The following DNAH3 variants were observed in gnomAD, a reference collection of about 807,000 sequenced individuals.
DNAH3 encodes axonemal beta dynein heavy chain 3.
DNAH3 carries 332 observed loss-of-function variants against 432.5 expected under a neutral mutation model. The ratio of observed to expected loss-of-function variants is 0.77; its 90% CI spans 0.70 to 0.84. The LOEUF (loss-of-function observed/expected upper bound fraction) is 0.84. DNAH3 is among the 40% of genes least tolerant of loss of function. The pLI is 0.00. For missense variants in DNAH3, 4,861 were observed against 5,114.0 expected (o/e 0.95, Z 1.51); for synonymous variants, 1,956 against 1,900.2 (o/e 1.03, Z -0.76).
chr16:20,945,111 C>T (rs1406732251), intron 57 of DNAH3, among the ~76,000 whole-genome samples: 3 of 152,204 alleles, frequency 2.0e-5, no homozygotes, highest in Non-Finnish European at 4.4e-5. Context: ...GCACAAGATA[C>T]AGGTCACAAA....
At chr16:21,092,589 A>C (rs1397783230) in intron 18 of DNAH3, among the ~76,000 whole-genome samples, 2 of 151,572 alleles carry the variant, frequency 1.3e-5, no homozygotes, top group African/African-American at 4.8e-5. Context: ...TACAACACAG[A>C]AGGCACAACA....
chr16:20,947,775 T>TG (rs1479273551), intron 57 of DNAH3, among the ~76,000 whole-genome samples: 2 of 152,092 alleles, frequency 1.3e-5, no homozygotes, highest in African/African-American at 2.4e-5. Context: ...AAGTGGTTTT[T>TG]TTTGTTTGTT....
intron 27 of DNAH3, 23 bp from the exon 28 acceptor site, chr16:21,054,557 C>T (rs1414245952): frequency 6.4e-7 from 1 of 1,552,130 alleles, no homozygotes; most frequent in Admixed American, 1.7e-5. Flanking sequence ...GAGGAGGGGA[C>T]AACTGGTTAC....
chr16:20,966,004 T>G (rs11863262), intron 52 of DNAH3, among the ~76,000 whole-genome samples: 26 of 140,602 alleles, frequency 1.8e-4, no homozygotes, highest in African/African-American at 6.7e-4. Context: ...TGAGCCACCA[T>G]GCCCAGCCAA....
intron 30 of DNAH3, 113 bp downstream of exon 30, chr16:21,049,797 G>C: frequency 7.5e-7 from 1 of 1,327,878 alleles, no homozygotes; most frequent in Non-Finnish European, 1.1e-6. Flanking sequence ...GAAGGAGCTG[G>C]GGCCCATGCT....
At chr16:21,074,403 G>A (rs531916534) in intron 21 of DNAH3, among the ~76,000 whole-genome samples, 2 of 152,278 alleles carry the variant, frequency 1.3e-5, no homozygotes, top group East Asian at 3.9e-4. Context: ...ATGCAGGTTT[G>A]GAAGCACTGC....
intron 54 of DNAH3, among the ~76,000 whole-genome samples, chr16:20,957,847 A>AAAAAAAAAAC: frequency 7.2e-6 from 1 of 138,828 alleles, no homozygotes; most frequent in African/African-American, 2.7e-5. Flanking sequence ...AAAAAAAAAA[A>AAAAAAAAAAC]AAGAGAATCC....
At position 20,985,469 on chromosome 16, in the gene DNAH3, G is replaced by A; in HGVS notation, c.7273C>T (p.Gln2425Ter). 1 of 1,614,204 alleles carries A rather than the reference G, an allele frequency of 6.2e-7. No homozygotes were observed. The highest frequency in any genetic ancestry group is 8.5e-7 in the Non-Finnish European group (1 of 1,180,046). The change falls in exon 48 of 62, where the codon CAG becomes TAG. Residue 2425 changes from glutamine (Q) to a stop codon, truncating the protein, a stop_gained. Coordinates refer to ENST00000261383, the Ensembl canonical transcript of DNAH3. LOFTEE classifies it high-confidence loss of function. Reference sequence around the variant, plus strand: ...ACCAGGAGCAGGTGGCCTTTGTCCTGCTTCAGGACACGGCAGATCCTAGAG... The same window carrying A: ...ACCAGGAGCAGGTGGCCTTTGTCCTACTTCAGGACACGGCAGATCCTAGAG...
At chr16:21,116,680 G>C (rs1457043082) in intron 12 of DNAH3, among the ~76,000 whole-genome samples, 1 of 152,182 alleles carries the variant, frequency 6.6e-6, no homozygotes, top group Non-Finnish European at 1.5e-5. Flanking sequence ...AAAGGACATG[G>C]CCTGTGGGTT....
chr16:20,934,929 T>C (rs1476209024), intron 61 of DNAH3, among the ~76,000 whole-genome samples: 4 of 152,188 alleles, frequency 2.6e-5, no homozygotes, highest in African/African-American at 9.7e-5. Context: ...TACAATGCTC[T>C]GTAACAGTCA....
chr16:21,159,342 C>A lies in DNAH3; in HGVS notation c.100G>T (p.Glu34Ter). ...CTCTCCACCTGCATTTCACTCCCTT[C>A]CTCCTCTCCTTGGGTCTCCCTGGCT... The change falls in exon 1 of 62, where the codon GAA becomes TAA. Residue 34 changes from glutamate to a stop codon, truncating the protein, a stop_gained. Coordinates refer to ENST00000261383, the Ensembl canonical transcript of DNAH3. LOFTEE classifies it high-confidence loss of function. The A allele has an allele frequency of 6.2e-7, 1 of 1,614,116 alleles. No homozygotes were observed. Among genetic ancestry groups the A allele is most frequent in the Non-Finnish European group, 8.5e-7 (1 of 1,180,000 alleles).
rs73536181 is a variant in DNAH3, at chr16:20,995,814, G to C, written c.6601+1469C>G. On this transcript the variant is annotated intron_variant, in intron 44 of 61. Coordinates refer to ENST00000261383, the Ensembl canonical transcript of DNAH3. Reference sequence around the variant, plus strand: ...CCCTTCAGAGCTCACCATGGGCTGGGTCACTGCAGTCACTAGTTTCAGCAG... The same window carrying C: ...CCCTTCAGAGCTCACCATGGGCTGGCTCACTGCAGTCACTAGTTTCAGCAG... Among the ~76,000 whole-genome samples the C allele has an allele frequency of 8.1e-3, 1,234 of 152,318 alleles. 22 individuals carry two copies. Among genetic ancestry groups the C allele is most frequent in the African/African-American group, 0.028 (1,155 of 41,568 alleles).
intron 28 of DNAH3, among the ~76,000 whole-genome samples, chr16:21,054,179 C>T (rs1214342702): frequency 1.3e-5 from 2 of 152,264 alleles, no homozygotes; most frequent in African/African-American, 4.8e-5. Flanking sequence ...TGACTTTGGC[C>T]ATCATTGTCT....
intron 41 of DNAH3, among the ~76,000 whole-genome samples, chr16:21,010,211 G>A (rs552373555): frequency 6.6e-6 from 1 of 152,236 alleles, no homozygotes; most frequent in South Asian, 2.1e-4. Flanking sequence ...AATGGCTCCT[G>A]TTCTCTTTGT....
chr16:21,105,022 A>T (rs1024241873), intron 15 of DNAH3, among the ~76,000 whole-genome samples: 3 of 152,174 alleles, frequency 2.0e-5, no homozygotes, highest in Admixed American at 6.5e-5. Flanking sequence ...CTTTAGGTTA[A>T]ATGGCAGTCA....
chr16:20,941,508 G>A (rs2083807997), exon 59 of DNAH3: 1 of 1,614,164 alleles, frequency 6.2e-7, no homozygotes, highest in Non-Finnish European at 8.5e-7. Flanking sequence ...TGGGAAGCTT[G>A]GAGAGAATGT....
intron 51 of DNAH3, among the ~76,000 whole-genome samples, chr16:20,974,968 G>A (rs931317814): frequency 2.0e-5 from 3 of 147,572 alleles, no homozygotes; most frequent in Non-Finnish European, 3.0e-5. Flanking sequence ...ACAGATGCAC[G>A]CCACCACACC....
chr16:20,989,481 C>G lies in DNAH3; in HGVS notation c.6602-1416G>C, dbSNP rs542262966. 1.1e-4 allele frequency among the ~76,000 whole-genome samples: 16 copies of G among 150,956 alleles called. 1 individual carries two copies. The South Asian group carries it at 2.3e-3, about 22-fold the overall frequency. ...GTCGATTGGTGCACTCACAAACCTTCAGCTAAACACAGGGTGCTGATTGGT... is the reference window on the plus strand; with the variant it reads ...GTCGATTGGTGCACTCACAAACCTTGAGCTAAACACAGGGTGCTGATTGGT... On this transcript the variant is annotated intron_variant, in intron 44 of 61. Transcript: ENST00000261383.
rs532905323 is a variant in DNAH3 at position 20,972,567 on chromosome 16, G to A, written c.8260-2577C>T. Among the ~76,000 whole-genome samples the A allele has an allele frequency of 1.8e-4, 28 of 151,668 alleles. No homozygotes were observed. The South Asian group carries it at 3.5e-3, about 19-fold the overall frequency. ...ATCACTGATGGTTTCCATTCACCTC[G>A]TGTCTATTCTACCAGGACTACAAGT... On this transcript the variant is annotated intron_variant, in intron 51 of 61. Coordinates refer to ENST00000261383, the Ensembl canonical transcript of DNAH3.
Sources: gnomAD v4.1 joint callset for allele counts (sites outside exome capture counted in the v4.1 genomes callset) on GRCh38, gnomAD v4.1.1 for gene constraint, MANE v1.5 for transcripts, NCBI Gene and HGNC (gene_info 2026-07-23, HGNC 2026-07-21) for gene names.